The following MITF variants were observed in gnomAD, a reference collection of about 807,000 sequenced individuals.
The protein encoded by MITF is melanocyte inducing transcription factor.
In MITF, 17 loss-of-function variants were observed where a neutral mutation model predicts 60.5. The observed-to-expected ratio is 0.28, with a 90% CI of 0.19 to 0.42. The LOEUF is 0.42. Among genes scored for constraint, MITF ranks in the 10% least tolerant of loss-of-function variants. The probability of loss-of-function intolerance (pLI) is 1.00; values close to 1 mark genes in which losing one functional copy is unlikely to be tolerated. For synonymous variants in MITF, 260 were observed against 248.5 expected (o/e 1.05, Z -0.43); for missense variants, 622 against 683.5 (o/e 0.91, Z 1.00).
At chr3:69,956,597 TA>T in intron 8 of MITF, 67 bp downstream of exon 8, 4 of 1,344,838 alleles carry the variant, frequency 3.0e-6, no homozygotes, top group Non-Finnish European at 3.2e-6. Context: ...TCATACGTTG[TA>T]AAAAATGCAG....
Position 69,813,853 on chromosome 3 carries a change from A to C in MITF, c.105-65281A>C, listed in dbSNP as rs185707054. Among the ~76,000 whole-genome samples the C allele has an allele frequency of 2.5e-3, 377 of 152,334 alleles. 7 individuals are homozygous for C. The highest frequency in any genetic ancestry group is 0.022 in the Admixed American group (334 of 15,308). ...AATTGTGAAATGGACTTAACTAGGC[A>C]ATGAAAGATTGCGAATCCATTACTT... On this transcript the variant is annotated intron_variant, in intron 1 of 9. Transcript: ENST00000352241.
chr3:69,895,666 T>C (rs1344718469), intron 2 of MITF, among the ~76,000 whole-genome samples: 1 of 152,188 alleles, frequency 6.6e-6, no homozygotes, highest in Non-Finnish European at 1.5e-5. Context: ...TGGATGCTTT[T>C]TTATGTTCAG....
chr3:69,883,610 T>C (rs17006572), intron 2 of MITF, among the ~76,000 whole-genome samples: 3,857 of 152,168 alleles, frequency 0.025, 149 homozygotes, highest in African/African-American at 0.085. Flanking sequence ...AAAAGGGACT[T>C]CTCCCACAAC....
intron 2 of MITF, among the ~76,000 whole-genome samples, chr3:69,884,869 G>A (rs1322165032): frequency 6.6e-6 from 1 of 152,098 alleles, no homozygotes; most frequent in Non-Finnish European, 1.5e-5. Flanking sequence ...TAAAAGAGCA[G>A]ACCGATGAGA....
intron 1 of MITF, among the ~76,000 whole-genome samples, chr3:69,818,188 A>G (rs554048434): frequency 7.9e-5 from 12 of 152,170 alleles, no homozygotes; most frequent in Non-Finnish European, 1.6e-4. Context: ...ATAGCTTCTC[A>G]TCAGTAGGAC....
At position 69,760,731 on chromosome 3, in the gene MITF, G is replaced by A. The variant is rs559827643; in HGVS notation, c.104+21030G>A. The stretch of plus-strand genomic sequence containing the variant: ...TCTTCCTGTGGAGACCAGGAAATAA[G>A]CGCTGGTAGTCTCTACTTCAGGATG... On this transcript the variant is annotated intron_variant, in intron 1 of 9. Coordinates refer to ENST00000352241, the MANE Select transcript of MITF (RefSeq NM_001354604.2). 3.9e-5 allele frequency among the ~76,000 whole-genome samples: 6 copies of A among 152,318 alleles called. No individual in the cohort carries two copies. In the South Asian group the frequency reaches 1.0e-3, roughly 26 times the overall value.
intron 4 of MITF, 101 bp downstream of exon 4, chr3:69,939,282 C>T (rs566847895): frequency 9.2e-7 from 1 of 1,085,942 alleles, no homozygotes; most frequent in South Asian, 1.4e-5. Flanking sequence ...TTTTTTCCCC[C>T]ATTGTTTTTT....
intron 9 of MITF, among the ~76,000 whole-genome samples, chr3:69,963,970 C>CTTTTTTTTTTTTTTTTTTTTTTTTTT (rs56921812): frequency 1.2e-5 from 1 of 86,124 alleles, no homozygotes; most frequent in African/African-American, 4.8e-5. Context: ...TTTTTCTTTT[C>CTTTTTTTTTTTTTTTTTTTTTTTTTT]TTTTTTTTTT....
At position 69,965,387 on chromosome 3, in the gene MITF, A is replaced by G; in HGVS notation, c.*139A>G. The G allele has an allele frequency of 1.2e-6, 1 of 840,888 alleles. No individual in the cohort carries two copies. Among genetic ancestry groups the G allele is most frequent in the Non-Finnish European group, 1.8e-6 (1 of 553,252 alleles). The allele number at this position is 840,888 out of a possible 1,614,324, so 52.1% of individuals were successfully genotyped here. On this transcript the variant is annotated 3_prime_UTR_variant, in exon 10 of 10. Transcript: ENST00000352241. ...TCATGCTTTATCAATAGCCCAGGAT[A>G]TATTTTATTTTTAGAATTTTGTGAA... is the stretch of plus-strand genomic sequence containing the variant.
At chr3:69,759,944 A>T (rs1260174071) in intron 1 of MITF, among the ~76,000 whole-genome samples, 1 of 152,048 alleles carries the variant, frequency 6.6e-6, no homozygotes, top group Non-Finnish European at 1.5e-5. Flanking sequence ...CACCTGGCTA[A>T]TTTTTTTGTA....
Position 69,941,301 on chromosome 3 carries a change from G to A in MITF, c.732G>A (p.Leu244=). The change falls in exon 5 of 10, where the codon TTG becomes TTA. Residue 244 remains leucine (L), a synonymous_variant. Coordinates refer to ENST00000352241, the MANE Select transcript of MITF (RefSeq NM_001354604.2). ...GTTATAATGAGGAAATCTTGGGCTT[G>A]ATGGATCCTGCTTTGCAAATGGCAA... The part of the protein sequence containing the change: ...ESSYNEEILG[L]MDPALQMANT... 6.2e-7 allele frequency: 1 copy of A among 1,613,040 alleles called. No individual in the cohort carries two copies. The highest frequency in any genetic ancestry group is 1.1e-5 in the South Asian group (1 of 91,048).
intron 4 of MITF, among the ~76,000 whole-genome samples, chr3:69,940,157 T>A (rs1331110646): frequency 2.6e-5 from 4 of 152,140 alleles, no homozygotes; most frequent in African/African-American, 9.7e-5. Context: ...GAACCCCCAT[T>A]TTATAGATTG....
At chr3:69,785,162 C>G (rs2062627574) in intron 1 of MITF, among the ~76,000 whole-genome samples, 1 of 151,998 alleles carries the variant, frequency 6.6e-6, no homozygotes, top group Middle Eastern at 3.4e-3. Context: ...GAGCATAATT[C>G]AGGTTCTCCT....
intron 1 of MITF, among the ~76,000 whole-genome samples, chr3:69,838,372 G>A (rs1398753687): frequency 6.6e-6 from 1 of 151,834 alleles, no homozygotes; most frequent in Non-Finnish European, 1.5e-5. Flanking sequence ...AAAAATAGAG[G>A]CACACAAAAA....
chr3:69,895,794 G>T (rs1442232993), intron 2 of MITF, among the ~76,000 whole-genome samples: 1 of 148,766 alleles, frequency 6.7e-6, no homozygotes, highest in East Asian at 2.0e-4. Flanking sequence ...CCTTAAGAGA[G>T]AATTGTGGAG....
chr3:69,754,625 CTT>C (rs112128068), intron 1 of MITF, among the ~76,000 whole-genome samples: 7 of 144,354 alleles, frequency 4.8e-5, no homozygotes, highest in Admixed American at 7.0e-5. Context: ...TTACATCTCT[CTT>C]TTTTTTTTTT....
chr3:69,912,861 T>C (rs1217596840), intron 2 of MITF, among the ~76,000 whole-genome samples: 1 of 152,204 alleles, frequency 6.6e-6, no homozygotes, highest in Admixed American at 6.5e-5. Flanking sequence ...AGAAAGCCTA[T>C]ATAAAGGTCC....
intron 2 of MITF, among the ~76,000 whole-genome samples, chr3:69,882,591 A>C (rs112802306): frequency 6.6e-6 from 1 of 152,304 alleles, no homozygotes; most frequent in African/African-American, 2.4e-5. Flanking sequence ...AAGAACCATT[A>C]ATGGAATCAG....
intron 1 of MITF, among the ~76,000 whole-genome samples, chr3:69,748,781 C>T (rs898053081): frequency 2.0e-5 from 3 of 152,118 alleles, no homozygotes; most frequent in African/African-American, 7.2e-5. Flanking sequence ...TGATTAAGGG[C>T]ATCATTGGAA....
Sources: allele counts gnomAD v4.1 joint callset (sites outside exome capture counted in the v4.1 genomes callset), GRCh38; gene constraint gnomAD v4.1.1; transcripts MANE v1.5; gene names NCBI Gene and HGNC (gene_info 2026-07-23, HGNC 2026-07-21).